The following AFG3L2 variants were observed in gnomAD, a reference collection of about 807,000 sequenced individuals.
AFG3L2 encodes mitochondrial inner membrane m-AAA protease component AFG3L2.
In AFG3L2, 54 loss-of-function variants were observed where a neutral mutation model predicts 94.5. That is an observed-to-expected ratio of 0.57 (90% CI 0.46 to 0.72). The LOEUF (loss-of-function observed/expected upper bound fraction) is 0.72, where lower values mean the gene tolerates loss of function less well. AFG3L2 is among the 30% of genes least tolerant of loss of function. The pLI, the probability that AFG3L2 is intolerant of heterozygous loss-of-function variation, is 0.00. For synonymous variants in AFG3L2, 377 were observed against 365.5 expected (o/e 1.03, Z -0.36); for missense variants, 754 against 994.9 (o/e 0.76, Z 3.26).
chr18:12,333,788 G>A (rs898123037), intron 16 of AFG3L2, among the ~76,000 whole-genome samples: 1 of 152,154 alleles, frequency 6.6e-6, no homozygotes, highest in South Asian at 2.1e-4. Context: ...ATTCACAGCG[G>A]CCACCAAGTG....
rs188496396 is a variant in AFG3L2, at chr18:12,371,835, G to C, written c.115-144C>G. On this transcript the variant is annotated intron_variant, in intron 1 of 16. Coordinates refer to ENST00000269143, the MANE Select transcript of AFG3L2 (RefSeq NM_006796.3). ...TAACACAGAATGACTCCCTTAGTGA[G>C]GACTAGGATTACCTAGCACTAGGCC... is the stretch of plus-strand genomic sequence containing the variant. 39 of 697,094 alleles carry C rather than the reference G, an allele frequency of 5.6e-5. No individual in the cohort carries two copies. In the African/African-American group the frequency reaches 6.6e-4, roughly 12 times the overall value. 43.2% of individuals were successfully genotyped at this position (697,094 alleles called of 1,614,324 possible). A position where few individuals can be genotyped will look rare whatever the true frequency, so the allele number is the denominator to read the frequency against.
intron 13 of AFG3L2, among the ~76,000 whole-genome samples, chr18:12,347,554 ATTT>A (rs34215474): frequency 1.4e-5 from 2 of 140,624 alleles, no homozygotes; most frequent in Non-Finnish European, 1.5e-5. Flanking sequence ...TATTATTATT[ATTT>A]TTTTTTTTTT....
chr18:12,349,970 G>A (rs1044524470), intron 12 of AFG3L2, among the ~76,000 whole-genome samples: 4 of 146,678 alleles, frequency 2.7e-5, no homozygotes, highest in Non-Finnish European at 3.0e-5. Flanking sequence ...CCAAAACCAC[G>A]TTTTTATATA....
At position 12,353,133 on chromosome 18, in the gene AFG3L2, C is replaced by T. The variant is rs1209733231; in HGVS notation, c.1190G>A (p.Arg397Gln). 7.4e-6 allele frequency: 12 copies of T among 1,614,018 alleles called. No homozygotes were observed. The highest frequency in any genetic ancestry group is 4.5e-5 in the East Asian group (2 of 44,882). ...GAAGAGGATGCAAGGGGCATTCTTC[C>T]GAGCAAGGGCAAATAAGTCTCGGAC... Reference protein sequence around the residue: ...ARVRDLFALARKNAPCILFID... With the variant: ...ARVRDLFALAQKNAPCILFID... The change falls in exon 10 of 17, where the codon CGG becomes CAG. Residue 397 changes from arginine (R) to glutamine (Q), a missense_variant. Coordinates refer to ENST00000269143, the MANE Select transcript of AFG3L2 (RefSeq NM_006796.3).
Position 12,376,962 on chromosome 18 carries a change from G to T in AFG3L2, c.114+7C>A. 1 of 1,451,904 alleles carries T rather than the reference G, an allele frequency of 6.9e-7. No individual in the cohort carries two copies. Among genetic ancestry groups the T allele is most frequent in the South Asian group, 1.3e-5 (1 of 74,916 alleles). The allele number at this position is 1,451,904 out of a possible 1,614,324, so 89.9% of individuals were successfully genotyped here. On this transcript the variant is annotated splice_region_variant and intron_variant, in intron 1 of 16. Transcript: ENST00000269143. ...TGGAGGGCGCCGGGCGCCCAGGTAGGACTCACCGTCCGGAGGCAGGGCTGC... is the reference window on the plus strand; with the variant it reads ...TGGAGGGCGCCGGGCGCCCAGGTAGTACTCACCGTCCGGAGGCAGGGCTGC...
At position 12,358,910 on chromosome 18, in the gene AFG3L2, G is replaced by A. The variant is rs1325788944; in HGVS notation, c.786C>T (p.Leu262=). The stretch of plus-strand genomic sequence containing the variant: ...TGGTGTAGAGCAAGAAGGCGATGAT[G>A]AGCACCGTAGGCAGCATGCTCAGCA... The part of the protein sequence containing the change: ...SFLLSMLPTV[L]IIAFLLYTIR... Residue 262 remains leucine, a synonymous_variant, in exon 8 of 17, where the codon CTC becomes CTT. Coordinates refer to ENST00000269143, the MANE Select transcript of AFG3L2 (RefSeq NM_006796.3). 4.3e-6 allele frequency: 7 copies of A among 1,614,090 alleles called. No individual in the cohort carries two copies. The highest frequency in any genetic ancestry group is 3.3e-5 in the Admixed American group (2 of 60,006).
intron 1 of AFG3L2, among the ~76,000 whole-genome samples, 177 bp from the exon 2 acceptor site, chr18:12,371,868 C>G (rs1005568522): frequency 2.6e-5 from 4 of 152,092 alleles, no homozygotes; most frequent in Non-Finnish European, 5.9e-5. Context: ...GCCACTGATT[C>G]CAGCAAAAGA....
At chr18:12,367,477 C>T in intron 3 of AFG3L2, 95 bp from the exon 4 acceptor site, 1 of 1,139,602 alleles carries the variant, frequency 8.8e-7, no homozygotes, top group South Asian at 1.2e-5. Context: ...AGACTCATTG[C>T]AGAATACACT....
In AFG3L2 at chr18:12,377,144, C is replaced by G; in HGVS notation, c.-62G>C. On this transcript the variant is annotated 5_prime_UTR_variant, in exon 1 of 17. Transcript: ENST00000269143. ...GCAGGCGCGGGCAGGCGACGACTGG[C>G]GGCCTCGGGAAGCGGGCTCGGCTCG... The G allele has an allele frequency of 8.0e-7, 1 of 1,250,636 alleles. No individual in the cohort carries two copies. Among genetic ancestry groups the G allele is most frequent in the African/African-American group, 1.6e-5 (1 of 62,830 alleles). 77.5% of individuals were successfully genotyped at this position (1,250,636 alleles called of 1,614,324 possible).
Position 12,377,210 on chromosome 18 carries a change from G to A in AFG3L2, c.-128C>T. On this transcript the variant is annotated 5_prime_UTR_variant, in exon 1 of 17. Coordinates refer to ENST00000269143, the MANE Select transcript of AFG3L2 (RefSeq NM_006796.3). ...GCAGCGAAGCGCGCCGGCGGCTCACGGAGGAGCCCAAGCTCTCAACGCGGC... is the reference window on the plus strand; with the variant it reads ...GCAGCGAAGCGCGCCGGCGGCTCACAGAGGAGCCCAAGCTCTCAACGCGGC... 4.2e-6 allele frequency: 3 copies of A among 719,646 alleles called. No homozygotes were observed. Among genetic ancestry groups the A allele is most frequent in the South Asian group, 1.6e-5 (1 of 62,090 alleles). The allele number at this position is 719,646 out of a possible 1,614,324, so 44.6% of individuals were successfully genotyped here.
intron 5 of AFG3L2, among the ~76,000 whole-genome samples, chr18:12,366,745 G>T (rs188749633): frequency 6.6e-6 from 1 of 152,236 alleles, no homozygotes; most frequent in Non-Finnish European, 1.5e-5. Context: ...CCAGTTCTGG[G>T]AGGTAGTGAA....
chr18:12,348,083 G>C (rs1296689738), intron 13 of AFG3L2, among the ~76,000 whole-genome samples, 190 bp downstream of exon 13: 1 of 152,132 alleles, frequency 6.6e-6, no homozygotes, highest in Non-Finnish European at 1.5e-5. Context: ...AGGGGACGGT[G>C]GCAGGAAGAA....
intron 13 of AFG3L2, among the ~76,000 whole-genome samples, chr18:12,344,668 C>T (rs570931309): frequency 1.3e-5 from 2 of 148,348 alleles, no homozygotes; most frequent in East Asian, 2.0e-4. Context: ...AGTAAGAATC[C>T]GTCTCAAAAA....
chr18:12,377,179 CGCCAGGCA>C lies in AFG3L2; in HGVS notation c.-105_-98del, dbSNP rs1909192534. The C allele has an allele frequency of 1.0e-6, 1 of 961,796 alleles. No individual in the cohort carries two copies. Among genetic ancestry groups the C allele is most frequent in the South Asian group, 1.5e-5 (1 of 65,048 alleles). The allele number at this position is 961,796 out of a possible 1,614,324, so 59.6% of individuals were successfully genotyped here. A position where few individuals can be genotyped will look rare whatever the true frequency, so the allele number is the denominator to read the frequency against. ...AAGCGGGCTCGGCTCGGGGAAAGGC[CGCCAGGCA>C]GCGAAGCGCGCCGGCGGCTCACGGA... On this transcript the variant is annotated 5_prime_UTR_variant, in exon 1 of 17. Transcript: ENST00000269143.
At chr18:12,344,366 T>C (rs1433401273) in intron 13 of AFG3L2, 119 bp from the exon 14 acceptor site, 2 of 816,150 alleles carry the variant, frequency 2.5e-6, no homozygotes, top group African/African-American at 1.7e-5. Context: ...CTGAGCTGCC[T>C]ATCACAATCC....
intron 12 of AFG3L2, among the ~76,000 whole-genome samples, 172 bp from the exon 13 acceptor site, chr18:12,348,555 G>A (rs1275341522): frequency 3.9e-5 from 6 of 152,190 alleles, no homozygotes; most frequent in African/African-American, 7.2e-5. Context: ...CTATTCTAGC[G>A]TTTAATGTAA....
chr18:12,358,929 C>T lies in AFG3L2; in HGVS notation c.767G>A (p.Ser256Asn). The change falls in exon 8 of 17, where the codon AGC becomes AAC. Residue 256 changes from serine to asparagine, a missense_variant. Physicochemically the swap from Ser to Asn is conservative, Grantham distance 46. Coordinates refer to ENST00000269143, the MANE Select transcript of AFG3L2 (RefSeq NM_006796.3). ...IAESDGSFLL[S>N]MLPTVLIIAF... Reference sequence around the variant, plus strand: ...GATGATGAGCACCGTAGGCAGCATGCTCAGCAGAAAAGAGCTGGGGACACA... The same window carrying T: ...GATGATGAGCACCGTAGGCAGCATGTTCAGCAGAAAAGAGCTGGGGACACA... 6.2e-7 allele frequency: 1 copy of T among 1,613,390 alleles called. No homozygotes were observed. Among genetic ancestry groups the T allele is most frequent in the Non-Finnish European group, 8.5e-7 (1 of 1,179,630 alleles).
chr18:12,365,688 TC>T (rs900167945), intron 5 of AFG3L2, among the ~76,000 whole-genome samples: 3 of 152,162 alleles, frequency 2.0e-5, no homozygotes, highest in Admixed American at 6.5e-5. Flanking sequence ...ATTTCTTACA[TC>T]CTTACCTTCC....
chr18:12,355,465 A>G (rs1279234266), intron 9 of AFG3L2, among the ~76,000 whole-genome samples: 1 of 152,206 alleles, frequency 6.6e-6, no homozygotes, highest in African/African-American at 2.4e-5. Context: ...CCCCTTACAC[A>G]TTGCTGGTAG....
Sources: gnomAD v4.1 joint callset for allele counts (sites outside exome capture counted in the v4.1 genomes callset) on GRCh38, gnomAD v4.1.1 for gene constraint, MANE v1.5 for transcripts, NCBI Gene and HGNC (gene_info 2026-07-23, HGNC 2026-07-21) for gene names.